The following ADGRG2 variants were observed in gnomAD, a reference collection of about 807,000 sequenced individuals.
The protein encoded by ADGRG2 is G protein-coupled receptor 64.
A neutral mutation model predicts 74.1 loss-of-function variants in ADGRG2; 26 were observed. The ratio of observed to expected loss-of-function variants is 0.35; its 90% CI spans 0.26 to 0.49. ADGRG2 has a LOEUF of 0.49. ADGRG2 is among the 20% of genes least tolerant of loss of function. ADGRG2 has a pLI of 0.99. For missense variants in ADGRG2, 619 were observed against 763.1 expected (o/e 0.81, Z 2.22); for synonymous variants, 296 against 295.2 (o/e 1.00, Z -0.03).
intron 27 of ADGRG2, among the ~76,000 whole-genome samples, chrX:18,995,345 C>G (rs1469571223): frequency 8.9e-6 from 1 of 112,036 alleles, no homozygotes; most frequent in Non-Finnish European, 1.9e-5. Flanking sequence ...GAGCCTCACA[C>G]TGTCTTAACA....
chrX:19,000,191 G>A (rs1225028214), intron 24 of ADGRG2, among the ~76,000 whole-genome samples: 1 of 110,495 alleles, frequency 9.1e-6, no homozygotes, highest in Non-Finnish European at 1.9e-5. Flanking sequence ...TAGAGACGGG[G>A]TTTCACCATG....
chrX:19,018,971 T>A (rs964724487), intron 15 of ADGRG2, among the ~76,000 whole-genome samples: 2 of 111,186 alleles, frequency 1.8e-5, no homozygotes, highest in African/African-American at 6.5e-5. Context: ...GCCTCCTGAG[T>A]AGCTGGGACT....
At chrX:19,069,386 C>T (rs911863934) in intron 2 of ADGRG2, among the ~76,000 whole-genome samples, 23 of 110,238 alleles carry the variant, frequency 2.1e-4, no homozygotes, top group African/African-American at 6.6e-4. Flanking sequence ...GACGGAGTTT[C>T]GCTCTTGTAT....
chrX:19,056,411 G>A (rs2061411593), intron 3 of ADGRG2, among the ~76,000 whole-genome samples: 1 of 111,487 alleles, frequency 9.0e-6, no homozygotes, highest in Admixed American at 9.5e-5. Flanking sequence ...AATATGAACA[G>A]CCCCTTCTTT....
Position 19,019,582 on chromosome X carries a change from G to A in ADGRG2, c.710+17C>T. ...TTTTTTTTTTTAAGGAGAAGGGTCA[G>A]CATGTTTGTTACATACCACTGAAGC... On this transcript the variant is annotated intron_variant, in intron 15 of 28. Transcript: ENST00000379869. 1 of 880,416 alleles carries A rather than the reference G, an allele frequency of 1.1e-6. No homozygotes were observed. Among genetic ancestry groups the A allele is most frequent in the Non-Finnish European group, 1.6e-6 (1 of 606,621 alleles). The allele number at this position is 880,416 out of a possible 1,213,427, so 72.6% of individuals were successfully genotyped here.
At chrX:19,092,330 A>G (rs1277098650) in intron 1 of ADGRG2, among the ~76,000 whole-genome samples, 5 of 111,167 alleles carry the variant, frequency 4.5e-5, no homozygotes, top group Admixed American at 3.8e-4. Context: ...ACTTGAAAAT[A>G]AGTCAGGTAT....
At chrX:19,111,146 T>A (rs1224826835) in intron 1 of ADGRG2, among the ~76,000 whole-genome samples, 1 of 111,700 alleles carries the variant, frequency 9.0e-6, no homozygotes, top group Non-Finnish European at 1.9e-5. Flanking sequence ...TGAATGGTGA[T>A]GTCATGGACT....
At chrX:19,054,955 G>A (rs2061384622) in intron 3 of ADGRG2, among the ~76,000 whole-genome samples, 1 of 111,361 alleles carries the variant, frequency 9.0e-6, no homozygotes, top group Non-Finnish European at 1.9e-5. Flanking sequence ...TTGGCCATGT[G>A]TGTACTTTAT....
chrX:19,099,207 A>T (rs1205990615), intron 1 of ADGRG2, among the ~76,000 whole-genome samples: 4 of 111,789 alleles, frequency 3.6e-5, no homozygotes, highest in Non-Finnish European at 1.9e-5. Context: ...AAAAAAAATT[A>T]AGTGATGGGC....
chrX:19,015,922 C>T (rs2060459932), intron 15 of ADGRG2, among the ~76,000 whole-genome samples: 3 of 112,261 alleles, frequency 2.7e-5, no homozygotes, highest in Admixed American at 9.4e-5. Context: ...CAGAAGGCCC[C>T]GTTCACTGGG....
chrX:19,006,596 G>A (rs902609927), intron 20 of ADGRG2, among the ~76,000 whole-genome samples: 1 of 110,011 alleles, frequency 9.1e-6, no homozygotes, highest in African/African-American at 3.3e-5. Flanking sequence ...TGGGTCTGTG[G>A]ACCACACTGT....
intron 1 of ADGRG2, among the ~76,000 whole-genome samples, chrX:19,092,651 C>T (rs1265585993): frequency 6.3e-5 from 7 of 111,711 alleles, no homozygotes; most frequent in Non-Finnish European, 1.3e-4. Flanking sequence ...CTCTTACCCT[C>T]CAGCCTCACC....
intron 2 of ADGRG2, among the ~76,000 whole-genome samples, chrX:19,075,445 C>T (rs951213387): frequency 3.7e-5 from 4 of 107,645 alleles, no homozygotes; most frequent in Non-Finnish European, 5.8e-5. Context: ...GGCGGAACCC[C>T]CGTCTCTACC....
At chrX:19,021,821 T>C (rs1200258849) in intron 13 of ADGRG2, among the ~76,000 whole-genome samples, 2 of 109,846 alleles carry the variant, frequency 1.8e-5, no homozygotes, top group Non-Finnish European at 3.8e-5. Flanking sequence ...CTAATTTTTG[T>C]ATTTTCATTA....
chrX:19,059,075 C>T (rs945555234), intron 3 of ADGRG2, among the ~76,000 whole-genome samples: 1 of 111,252 alleles, frequency 9.0e-6, no homozygotes, highest in Non-Finnish European at 1.9e-5. Context: ...CCCAGCTACT[C>T]GGGAGGTCGA....
At position 19,019,523 on chromosome X, in the gene ADGRG2, C is replaced by T; in HGVS notation, c.710+76G>A. ...GAAAGCCTTCTTTACTCCCAAAATTCTAAAACTCCTTAGCTAGCATGGTGA... is the reference window on the plus strand; with the variant it reads ...GAAAGCCTTCTTTACTCCCAAAATTTTAAAACTCCTTAGCTAGCATGGTGA... On this transcript the variant is annotated intron_variant, in intron 15 of 28. Coordinates refer to ENST00000379869, the MANE Select transcript of ADGRG2 (RefSeq NM_001079858.3). The T allele has an allele frequency of 5.1e-6, 3 of 589,157 alleles. No homozygotes were observed. The South Asian group carries it at 8.3e-5, about 16-fold the overall frequency. 48.6% of individuals were successfully genotyped at this position (589,157 alleles called of 1,213,427 possible).
At chrX:19,110,712 A>C (rs890703895) in intron 1 of ADGRG2, among the ~76,000 whole-genome samples, 4 of 110,015 alleles carry the variant, frequency 3.6e-5, no homozygotes, top group Admixed American at 2.9e-4. Flanking sequence ...CAAACAAAAA[A>C]AAAAAACAAA....
chrX:19,104,367 G>C (rs1602123634), intron 1 of ADGRG2, among the ~76,000 whole-genome samples: 1 of 111,034 alleles, frequency 9.0e-6, no homozygotes, highest in East Asian at 2.9e-4. Flanking sequence ...CTTGACTGGG[G>C]TGTCCAGAAA....
At chrX:19,096,410 T>TAAAA (rs756410342) in intron 1 of ADGRG2, among the ~76,000 whole-genome samples, 2 of 75,227 alleles carry the variant, frequency 2.7e-5, no homozygotes, top group Non-Finnish European at 5.1e-5. Context: ...AGACTCTATC[T>TAAAA]AAAAAAAAAA....
Sources: gnomAD v4.1 joint callset for allele counts (sites outside exome capture counted in the v4.1 genomes callset) on GRCh38, gnomAD v4.1.1 for gene constraint, MANE v1.5 for transcripts, NCBI Gene and HGNC (gene_info 2026-07-23, HGNC 2026-07-21) for gene names.